Variants in POLA1 observed in about 807,000 individuals in gnomAD.
POLA1 encodes DNA polymerase alpha catalytic subunit.
Under a neutral mutation model 124.0 loss-of-function variants are expected in POLA1, and 15 were observed. The observed-to-expected ratio is 0.12, with a 90% CI of 0.08 to 0.19. The LOEUF is 0.19. POLA1 is among the 10% of genes least tolerant of loss of function. The probability of loss-of-function intolerance (pLI) is 1.00; values close to 1 mark genes in which losing one functional copy is unlikely to be tolerated. For missense variants in POLA1, 886 were observed against 1,103.4 expected, an observed-to-expected ratio of 0.80 and a Z score of 2.79; for synonymous variants, 408 against 389.4, an observed-to-expected ratio of 1.05 and a Z score of -0.56.
Position 24,809,925 on chromosome X carries a change from CA to C in POLA1, c.2996del (p.Lys999ArgfsTer2). On this transcript the variant is annotated frameshift_variant, in exon 27 of 37. Coordinates refer to ENST00000379068, the MANE Select transcript of POLA1 (RefSeq NM_001330360.2). LOFTEE classifies it high-confidence loss of function. ...TTTGATGCATACGAAAGAGATGGTA[CA>C]AAAGGTAATGTTGAGCATTTTCATT... Reference protein sequence around the residue: ...EILMHTKEMVQKMNLEVIYGD... With the variant: ...EILMHTKEMVXKMNLEVIYGD... 9.2e-7 allele frequency: 1 copy of C among 1,090,672 alleles called. No homozygotes were observed. The highest frequency in any genetic ancestry group is 1.3e-6 in the Non-Finnish European group (1 of 797,938). 89.9% of individuals were successfully genotyped at this position (1,090,672 alleles called of 1,213,427 possible).
intron 26 of POLA1, among the ~76,000 whole-genome samples, chrX:24,769,380 T>C (rs774535903): frequency 6.3e-5 from 7 of 111,476 alleles, no homozygotes; most frequent in Non-Finnish European, 1.1e-4. Flanking sequence ...AAAATGAACC[T>C]GAGGTGCTGA....
intron 12 of POLA1, among the ~76,000 whole-genome samples, chrX:24,725,191 CTT>C (rs757657562): frequency 4.5e-5 from 4 of 89,000 alleles, no homozygotes; most frequent in African/African-American, 4.2e-5. Flanking sequence ...TGAATGACTA[CTT>C]TTTTTTTTTT....
chrX:24,899,542 G>A (rs185089697), intron 35 of POLA1, among the ~76,000 whole-genome samples: 122 of 111,449 alleles, frequency 1.1e-3, no homozygotes, highest in Admixed American at 0.01. Flanking sequence ...AAAATGCACC[G>A]AATTCCTGGT....
intron 26 of POLA1, among the ~76,000 whole-genome samples, chrX:24,797,525 A>G (rs187783915): frequency 2.7e-5 from 3 of 110,994 alleles, no homozygotes; most frequent in Non-Finnish European, 5.7e-5. Flanking sequence ...CCAATTGCCT[A>G]TTTGGTTCTC....
intron 34 of POLA1, among the ~76,000 whole-genome samples, chrX:24,858,738 G>C (rs906560660): frequency 8.9e-6 from 1 of 112,023 alleles, no homozygotes; most frequent in Non-Finnish European, 1.9e-5. Context: ...TTTCAAACTT[G>C]TTTTACTTAG....
At chrX:24,853,188 T>C (rs746572216) in intron 34 of POLA1, among the ~76,000 whole-genome samples, 1 of 112,385 alleles carries the variant, frequency 8.9e-6, no homozygotes, top group African/African-American at 3.2e-5. Flanking sequence ...TACTGACGAA[T>C]GTATGCAAGT....
intron 35 of POLA1, among the ~76,000 whole-genome samples, chrX:24,916,929 C>CT (rs1351586454): frequency 1.8e-5 from 2 of 112,356 alleles, no homozygotes; most frequent in African/African-American, 6.5e-5. Flanking sequence ...CCTAGGTAAG[C>CT]TTTCAGTGGG....
intron 15 of POLA1, among the ~76,000 whole-genome samples, chrX:24,730,847 A>G (rs1280720269): frequency 1.8e-5 from 2 of 112,294 alleles, no homozygotes; most frequent in African/African-American, 6.5e-5. Context: ...TGGGGAACCA[A>G]CTCATTATTT....
rs759273500 is a variant in POLA1, at chrX:24,809,894, T to G, written c.2965-4T>G. On this transcript the variant is annotated splice_polypyrimidine_tract_variant and splice_region_variant and intron_variant, in intron 26 of 36. Transcript: ENST00000379068. ...TTATTAATCTTGACTTTTGTTTCAT[T>G]TAGATTTTGATGCATACGAAAGAGA... 2 of 1,079,071 alleles carry G rather than the reference T, an allele frequency of 1.9e-6. No homozygotes were observed. Among genetic ancestry groups the G allele is most frequent in the South Asian group, 4.1e-5 (2 of 48,295 alleles). 88.9% of individuals were successfully genotyped at this position (1,079,071 alleles called of 1,213,427 possible). A position where few individuals can be genotyped will look rare whatever the true frequency, so the allele number is the denominator to read the frequency against.
chrX:24,868,429 A>G (rs1183199709), intron 34 of POLA1, among the ~76,000 whole-genome samples: 6 of 111,852 alleles, frequency 5.4e-5, no homozygotes, highest in African/African-American at 1.9e-4. Flanking sequence ...TCACTGTGCA[A>G]TAGCACTAAA....
chrX:24,968,383 T>C (rs903700092), intron 36 of POLA1, among the ~76,000 whole-genome samples: 1 of 111,434 alleles, frequency 9.0e-6, no homozygotes, highest in African/African-American at 3.3e-5. Context: ...TTAGCATACA[T>C]CATCAGATTA....
intron 26 of POLA1, among the ~76,000 whole-genome samples, chrX:24,768,789 C>T (rs751417825): frequency 2.7e-5 from 3 of 111,898 alleles, no homozygotes; most frequent in South Asian, 3.8e-4. Flanking sequence ...GGATTCTGCA[C>T]GGTGAATATT....
chrX:24,942,508 A>G (rs1040572606), intron 36 of POLA1, among the ~76,000 whole-genome samples: 1 of 112,066 alleles, frequency 8.9e-6, no homozygotes, highest in Non-Finnish European at 1.9e-5. Flanking sequence ...ACAGATGCAG[A>G]CATGTAGTTT....
chrX:24,968,970 A>C (rs750815939), intron 36 of POLA1, among the ~76,000 whole-genome samples: 36 of 111,465 alleles, frequency 3.2e-4, no homozygotes, highest in African/African-American at 1.1e-3. Flanking sequence ...GCACTTTGGG[A>C]GGCTAAGGTG....
At chrX:24,798,182 T>C (rs2045643368) in intron 26 of POLA1, among the ~76,000 whole-genome samples, 1 of 112,270 alleles carries the variant, frequency 8.9e-6, no homozygotes, top group African/African-American at 3.2e-5. Context: ...CTCAACTTGA[T>C]CTTTGTTTGA....
rs371305869 is a variant in POLA1, at chrX:24,909,861, G to C, written c.4165-20592G>C. ...ATTTTCACGATATTGATTCTTCCTA[G>C]CCATGAGCATGGAATGTTCTTCCAT... On this transcript the variant is annotated intron_variant, in intron 35 of 36. Coordinates refer to ENST00000379068, the MANE Select transcript of POLA1 (RefSeq NM_001330360.2). Among the ~76,000 whole-genome samples, 25 of 108,821 alleles carry C rather than the reference G, an allele frequency of 2.3e-4. No individual in the cohort carries two copies. The East Asian group carries it at 5.5e-3, about 24-fold the overall frequency. 94.5% of individuals were successfully genotyped at this position (108,821 alleles called of 115,157 possible).
chrX:24,809,838 G>C, intron 26 of POLA1, 60 bp from the exon 27 acceptor site: 1 of 683,479 alleles, frequency 1.5e-6, no homozygotes, highest in Non-Finnish European at 2.2e-6. Context: ...ATCTCTATGT[G>C]CTTCTATTTA....
intron 4 of POLA1, among the ~76,000 whole-genome samples, chrX:24,705,602 C>G (rs1928747744): frequency 9.0e-6 from 1 of 111,622 alleles, no homozygotes; most frequent in Non-Finnish European, 1.9e-5. Flanking sequence ...TCCCAATTAG[C>G]CCAATAGTAT....
chrX:24,760,774 T>C (rs1438766247), intron 26 of POLA1, among the ~76,000 whole-genome samples: 1 of 111,346 alleles, frequency 9.0e-6, no homozygotes, highest in Admixed American at 9.5e-5. Context: ...GTTGTGGGAG[T>C]TTTGGAAGGC....
Sources: allele counts gnomAD v4.1 joint callset (sites outside exome capture counted in the v4.1 genomes callset), GRCh38; gene constraint gnomAD v4.1.1; transcripts MANE v1.5; gene names NCBI Gene and HGNC (gene_info 2026-07-23, HGNC 2026-07-21).